Variants in DPP10 observed in about 807,000 individuals in gnomAD.
The protein encoded by DPP10 is dipeptidyl peptidase like 10.
A neutral mutation model predicts 120.9 loss-of-function variants in DPP10; 33 were observed. That is an observed-to-expected ratio of 0.27 (90% CI 0.21 to 0.37). The LOEUF (loss-of-function observed/expected upper bound fraction) is 0.37, where lower values mean the gene tolerates loss of function less well. Ranked by LOEUF, DPP10 falls within the 10% of genes least tolerant of loss-of-function variation. The pLI is 1.00. For missense variants in DPP10, 816 were observed against 942.8 expected (o/e 0.87, Z 1.76); for synonymous variants, 337 against 326.1 (o/e 1.03, Z -0.36).
chr2:115,640,121 C>A (rs1406234814), intron 5 of DPP10, among the ~76,000 whole-genome samples: 1 of 152,054 alleles, frequency 6.6e-6, no homozygotes, highest in Non-Finnish European at 1.5e-5. Flanking sequence ...AGGCTTCAGG[C>A]TTGCAGAATT....
Position 115,133,705 on chromosome 2 carries a change from G to C in DPP10, c.61-175534G>C, listed in dbSNP as rs537949841. ...CTTTGCCTGCTTTACTTCAAGGCCC[G>C]AGCTGTTTTCATTATAACAATCTAC... On this transcript the variant is annotated intron_variant, in intron 1 of 25. Coordinates refer to ENST00000410059, the MANE Select transcript of DPP10 (RefSeq NM_020868.6). Among the ~76,000 whole-genome samples the C allele has an allele frequency of 2.6e-5, 4 of 152,204 alleles. No homozygotes were observed. In the East Asian group the frequency reaches 5.8e-4, roughly 22 times the overall value.
intron 1 of DPP10, among the ~76,000 whole-genome samples, chr2:114,776,171 A>C (rs894597626): frequency 5.9e-5 from 9 of 152,222 alleles, no homozygotes; most frequent in Admixed American, 5.9e-4. Context: ...TTAGCTGCAG[A>C]TACATCTTAG....
At chr2:115,280,036 C>T (rs2060094659) in intron 1 of DPP10, among the ~76,000 whole-genome samples, 1 of 151,998 alleles carries the variant, frequency 6.6e-6, no homozygotes, top group Non-Finnish European at 1.5e-5. Context: ...CTTAATAGTT[C>T]TCAGTAAATG....
chr2:115,266,272 C>A (rs191754917), intron 1 of DPP10, among the ~76,000 whole-genome samples: 2 of 152,052 alleles, frequency 1.3e-5, no homozygotes, highest in African/African-American at 4.8e-5. Context: ...ATCTTTCATG[C>A]AATGGAGATT....
chr2:115,269,885 C>T (rs1358623935), intron 1 of DPP10, among the ~76,000 whole-genome samples: 1 of 152,080 alleles, frequency 6.6e-6, no homozygotes, highest in Non-Finnish European at 1.5e-5. Context: ...GTCTACTTAT[C>T]ATTGTATTTC....
At chr2:115,195,263 T>C (rs947446160) in intron 1 of DPP10, among the ~76,000 whole-genome samples, 1 of 152,224 alleles carries the variant, frequency 6.6e-6, no homozygotes, top group Non-Finnish European at 1.5e-5. Flanking sequence ...TAGTGTTGTC[T>C]ATTTTTAAAG....
At position 115,751,122 on chromosome 2, in the gene DPP10, T is replaced by G. The variant is rs571331658; in HGVS notation, c.951-2052T>G. On this transcript the variant is annotated intron_variant, in intron 10 of 25. Coordinates refer to ENST00000410059, the MANE Select transcript of DPP10 (RefSeq NM_020868.6). ...AGTTGTTTACAATATTCAAATTAAT[T>G]TTTTACTTCAAATTTCAACAACATT... Among the ~76,000 whole-genome samples the G allele has an allele frequency of 3.9e-4, 60 of 152,290 alleles. 1 individual carries two copies. The South Asian group carries it at 0.01, about 26-fold the overall frequency.
chr2:115,299,229 T>G (rs1043787090), intron 1 of DPP10, among the ~76,000 whole-genome samples: 5 of 152,020 alleles, frequency 3.3e-5, no homozygotes, highest in African/African-American at 4.8e-5. Flanking sequence ...ATATGGATAA[T>G]ATAAAAAGTG....
intron 1 of DPP10, among the ~76,000 whole-genome samples, chr2:114,909,688 T>G (rs1694221296): frequency 6.6e-6 from 1 of 152,062 alleles, no homozygotes; most frequent in African/African-American, 2.4e-5. Context: ...TCACAAGATT[T>G]TTGTGCCTTA....
At chr2:114,848,169 T>C (rs1395981311) in intron 1 of DPP10, among the ~76,000 whole-genome samples, 2 of 152,138 alleles carry the variant, frequency 1.3e-5, no homozygotes, top group South Asian at 2.1e-4. Flanking sequence ...GGCCAACAAG[T>C]AGAAGATGAC....
At chr2:115,193,886 A>G (rs1288941052) in intron 1 of DPP10, among the ~76,000 whole-genome samples, 1 of 152,172 alleles carries the variant, frequency 6.6e-6, no homozygotes, top group Non-Finnish European at 1.5e-5. Context: ...AGTTTCTCCT[A>G]GGTCTGGTCG....
chr2:114,775,002 A>G (rs1681599637), intron 1 of DPP10, among the ~76,000 whole-genome samples: 1 of 152,062 alleles, frequency 6.6e-6, no homozygotes, highest in Non-Finnish European at 1.5e-5. Flanking sequence ...CAGATAGATC[A>G]AGTGACTTAT....
At chr2:115,640,879 AG>A (rs1162302131) in intron 5 of DPP10, among the ~76,000 whole-genome samples, 4 of 152,194 alleles carry the variant, frequency 2.6e-5, no homozygotes, top group Admixed American at 2.6e-4. Context: ...TAATTTATAA[AG>A]TACAAAGTTT....
At chr2:114,794,927 T>G (rs185684189) in intron 1 of DPP10, among the ~76,000 whole-genome samples, 1 of 152,342 alleles carries the variant, frequency 6.6e-6, no homozygotes, top group African/African-American at 2.4e-5. Flanking sequence ...CTCAGTACAT[T>G]GCGTGAGGCA....
chr2:114,852,293 T>A (rs1438771084), intron 1 of DPP10, among the ~76,000 whole-genome samples: 1 of 151,432 alleles, frequency 6.6e-6, no homozygotes, highest in African/African-American at 2.4e-5. Flanking sequence ...TAATGTTCCC[T>A]GCTCCTGATT....
chr2:115,574,507 G>A (rs1406032127), intron 5 of DPP10, among the ~76,000 whole-genome samples: 1 of 152,014 alleles, frequency 6.6e-6, no homozygotes, highest in East Asian at 1.9e-4. Context: ...CCTCCCTCTT[G>A]TTCTTCAACA....
rs183674065 is a variant in DPP10, at chr2:115,480,135, T to C, written c.272-19375T>C. On this transcript the variant is annotated intron_variant, in intron 3 of 25. Coordinates refer to ENST00000410059, the MANE Select transcript of DPP10 (RefSeq NM_020868.6). ...AGCTATTAAAATTTTCACTTCCAAATTGTATTTAAAGTCTGTCTCCCATTG... is the reference window on the plus strand; with the variant it reads ...AGCTATTAAAATTTTCACTTCCAAACTGTATTTAAAGTCTGTCTCCCATTG... Among the ~76,000 whole-genome samples the C allele has an allele frequency of 1.3e-3, 192 of 152,206 alleles. 1 individual carries two copies. The highest frequency in any genetic ancestry group is 4.5e-3 in the African/African-American group (189 of 41,540).
chr2:114,976,207 A>G (rs972270377), intron 1 of DPP10, among the ~76,000 whole-genome samples: 1 of 152,052 alleles, frequency 6.6e-6, no homozygotes, highest in South Asian at 2.1e-4. Context: ...CTTTGCTGTG[A>G]AATACATGAT....
chr2:115,109,143 G>A (rs543053107), intron 1 of DPP10, among the ~76,000 whole-genome samples: 78 of 152,274 alleles, frequency 5.1e-4, no homozygotes, highest in Non-Finnish European at 8.2e-4. Context: ...CAAGTCATCT[G>A]GGGAAGGATT....
Sources: gnomAD v4.1 joint callset for allele counts (sites outside exome capture counted in the v4.1 genomes callset) on GRCh38, gnomAD v4.1.1 for gene constraint, MANE v1.5 for transcripts, NCBI Gene and HGNC (gene_info 2026-07-23, HGNC 2026-07-21) for gene names.